Variants in INSYN2B observed in about 807,000 individuals in gnomAD.
The protein encoded by INSYN2B is protein INSYN2B.
A neutral mutation model predicts 41.2 loss-of-function variants in INSYN2B; 16 were observed. That is an observed-to-expected ratio of 0.39 (90% CI 0.26 to 0.59). The LOEUF (loss-of-function observed/expected upper bound fraction) is 0.59. INSYN2B is among the 20% of genes least tolerant of loss of function. INSYN2B has a pLI of 0.57. For missense variants in INSYN2B, 608 were observed against 646.4 expected (o/e 0.94, Z 0.64); for synonymous variants, 245 against 244.4 (o/e 1.00, Z -0.02).
chr5:169,968,338 G>A (rs1269838100), intron 1 of INSYN2B, among the ~76,000 whole-genome samples: 1 of 152,120 alleles, frequency 6.6e-6, no homozygotes, highest in Non-Finnish European at 1.5e-5. Flanking sequence ...TTTGATAGGA[G>A]TCCAGCCACT....
Position 169,942,543 on chromosome 5 carries a change from A to C in INSYN2B, c.-919+37734T>G, listed in dbSNP as rs192703792. 1.4e-3 allele frequency among the ~76,000 whole-genome samples: 215 copies of C among 152,364 alleles called. 1 individual carries two copies. Among genetic ancestry groups the C allele is most frequent in the African/African-American group, 5.0e-3 (207 of 41,598 alleles). On this transcript the variant is annotated intron_variant, in intron 1 of 3. Transcript: ENST00000377365. ...GCAAGGATCTATTTCCATATTTTACAGAAAATTGTAATTTTCCCTCCCAAG... is the reference window on the plus strand; with the variant it reads ...GCAAGGATCTATTTCCATATTTTACCGAAAATTGTAATTTTCCCTCCCAAG...
At position 169,864,816 on chromosome 5, in the gene INSYN2B, T is replaced by C. The variant is rs574876106; in HGVS notation, c.1422-357A>G. 4.7e-4 allele frequency among the ~76,000 whole-genome samples: 71 copies of C among 152,286 alleles called. 1 individual carries two copies. Among genetic ancestry groups the C allele is most frequent in the African/African-American group, 1.7e-3 (70 of 41,570 alleles). Reference sequence around the variant, plus strand: ...TCTCATTATTAAAAAATTGAGATAATGCAGAGGAACAGACAAGAAAACTGA... The same window carrying C: ...TCTCATTATTAAAAAATTGAGATAACGCAGAGGAACAGACAAGAAAACTGA... On this transcript the variant is annotated intron_variant, in intron 3 of 3. Coordinates refer to ENST00000377365, the MANE Select transcript of INSYN2B (RefSeq NM_001129891.3).
chr5:169,942,654 G>A (rs1027585928), intron 1 of INSYN2B, among the ~76,000 whole-genome samples: 1 of 152,306 alleles, frequency 6.6e-6, no homozygotes, highest in African/African-American at 2.4e-5. Flanking sequence ...AGGATGCAGG[G>A]CGGTCTGGAG....
chr5:169,979,813 A>G (rs927892940), intron 1 of INSYN2B, among the ~76,000 whole-genome samples: 11 of 152,228 alleles, frequency 7.2e-5, no homozygotes, highest in African/African-American at 2.7e-4. Flanking sequence ...TTGATTGATC[A>G]GTGAACTACA....
intron 1 of INSYN2B, among the ~76,000 whole-genome samples, chr5:169,930,279 C>A (rs536067811): frequency 6.6e-6 from 1 of 152,116 alleles, no homozygotes; most frequent in Admixed American, 6.5e-5. Flanking sequence ...CTTGAGCCAC[C>A]GCACCTGGCC....
intron 1 of INSYN2B, among the ~76,000 whole-genome samples, chr5:169,915,557 AACACACACACACACACACACAC>A (rs56728646): frequency 2.8e-5 from 4 of 143,384 alleles, no homozygotes; most frequent in African/African-American, 5.2e-5. Context: ...ATTGACAGGG[AACACACACACACACACACACAC>A]ACACACACAC....
In INSYN2B at chr5:169,867,474, CATCT is replaced by C. The variant is rs963102652; in HGVS notation, c.1422-3019_1422-3016del. On this transcript the variant is annotated intron_variant, in intron 3 of 3. Coordinates refer to ENST00000377365, the MANE Select transcript of INSYN2B (RefSeq NM_001129891.3). ...CTGTCTGTCTATCTATTGATCCATC[CATCT>C]ATCATCTATCTAATCTATCATCTAT... Among the ~76,000 whole-genome samples, 12 of 151,866 alleles carry C rather than the reference CATCT, an allele frequency of 7.9e-5. No homozygotes were observed. In the South Asian group the frequency reaches 1.0e-3, roughly 13 times the overall value.
At chr5:169,941,274 C>A (rs1581449635) in intron 1 of INSYN2B, among the ~76,000 whole-genome samples, 1 of 152,262 alleles carries the variant, frequency 6.6e-6, no homozygotes, top group East Asian at 1.9e-4. Context: ...AATGGATAAT[C>A]TCGGCTCACT....
At chr5:169,876,177 C>T (rs1772322737) in intron 3 of INSYN2B, among the ~76,000 whole-genome samples, 1 of 152,164 alleles carries the variant, frequency 6.6e-6, no homozygotes, top group Admixed American at 6.5e-5. Context: ...TCTCTGCGGC[C>T]CTTGTGATTA....
intron 1 of INSYN2B, among the ~76,000 whole-genome samples, chr5:169,966,859 G>A (rs368290183): frequency 6.6e-6 from 1 of 152,114 alleles, no homozygotes; most frequent in African/African-American, 2.4e-5. Flanking sequence ...ATCAGACTTT[G>A]GTCTAATGTT....
At chr5:169,898,840 T>C (rs1412491898) in intron 1 of INSYN2B, among the ~76,000 whole-genome samples, 1 of 152,164 alleles carries the variant, frequency 6.6e-6, no homozygotes, top group African/African-American at 2.4e-5. Context: ...ATTTGGCCCG[T>C]GGACGGTAGT....
At chr5:169,919,437 A>G (rs1056223047) in intron 1 of INSYN2B, among the ~76,000 whole-genome samples, 25 of 152,232 alleles carry the variant, frequency 1.6e-4, no homozygotes, top group Admixed American at 1.5e-3. Flanking sequence ...TAAATCCCCA[A>G]CTAAAAAGTA....
At chr5:169,878,058 G>A (rs944666365) in intron 3 of INSYN2B, among the ~76,000 whole-genome samples, 8 of 152,198 alleles carry the variant, frequency 5.3e-5, no homozygotes, top group East Asian at 1.9e-4. Flanking sequence ...AAAGAAATGC[G>A]TGATCTCTGT....
At chr5:169,944,006 A>G (rs546824077) in intron 1 of INSYN2B, among the ~76,000 whole-genome samples, 1 of 152,202 alleles carries the variant, frequency 6.6e-6, no homozygotes, top group East Asian at 1.9e-4. Context: ...GTGTGACTCT[A>G]TAATTCTCCA....
At chr5:169,978,117 T>C (rs188943833) in intron 1 of INSYN2B, among the ~76,000 whole-genome samples, 1 of 152,204 alleles carries the variant, frequency 6.6e-6, no homozygotes, top group East Asian at 1.9e-4. Flanking sequence ...GTGCGCATTA[T>C]TTGAAGTTAC....
chr5:169,892,931 G>A (rs1484285544), intron 1 of INSYN2B, among the ~76,000 whole-genome samples: 1 of 150,502 alleles, frequency 6.6e-6, no homozygotes, highest in Non-Finnish European at 1.5e-5. Flanking sequence ...CTCCAGCATG[G>A]CTCCCCATTT....
chr5:169,867,625 CATCT>C (rs35247242), intron 3 of INSYN2B, among the ~76,000 whole-genome samples: 116,839 of 150,838 alleles, frequency 0.77, 45,816 homozygotes, highest in African/African-American at 0.86. Flanking sequence ...CATTATCTAT[CATCT>C]ATCTATCTAT....
intron 1 of INSYN2B, among the ~76,000 whole-genome samples, chr5:169,945,107 G>A (rs890332780): frequency 6.6e-6 from 1 of 152,170 alleles, no homozygotes; most frequent in African/African-American, 2.4e-5. Flanking sequence ...AACCGACTGT[G>A]GTTTCATTTT....
intron 3 of INSYN2B, among the ~76,000 whole-genome samples, chr5:169,867,513 A>G (rs1223648387): frequency 6.6e-6 from 1 of 151,434 alleles, no homozygotes; most frequent in Non-Finnish European, 1.5e-5. Context: ...TTATCTATTT[A>G]TCTATCTATC....
Sources: gnomAD v4.1 joint callset for allele counts (sites outside exome capture counted in the v4.1 genomes callset) on GRCh38, gnomAD v4.1.1 for gene constraint, MANE v1.5 for transcripts, NCBI Gene and HGNC (gene_info 2026-07-23, HGNC 2026-07-21) for gene names.